MCPH1: variants seen among roughly 807,000 people sequenced by gnomAD.
MCPH1 encodes microcephalin 1, also known as microcephalin.
A neutral mutation model predicts 84.5 loss-of-function variants in MCPH1; 104 were observed. The ratio of observed to expected loss-of-function variants is 1.23; its 90% CI spans 1.05 to 1.45. The LOEUF (loss-of-function observed/expected upper bound fraction) is 1.45. MCPH1 is among the 40% of genes most tolerant of loss of function. MCPH1 has a pLI of 0.00. For synonymous variants in MCPH1, 514 were observed against 366.8 expected (o/e 1.40, Z -4.58); for missense variants, 1,498 against 1,005.7 (o/e 1.49, Z -6.62).
intron 9 of MCPH1, among the ~76,000 whole-genome samples, chr8:6,465,757 G>A (rs2916733): frequency 0.28 from 42,102 of 152,098 alleles, 7,523 homozygotes; most frequent in East Asian, 0.49. Flanking sequence ...AAGCGGCTTT[G>A]TTTGTTATGC....
chr8:6,446,974 G>A (rs1804485629), intron 8 of MCPH1: 1 of 985,356 alleles, frequency 1.0e-6, no homozygotes, highest in African/African-American at 1.7e-5. Context: ...GGACGGAGAG[G>A]TTTTTTCGCT....
At chr8:6,427,795 GTT>G (rs57041436) in intron 3 of MCPH1, among the ~76,000 whole-genome samples, 40,343 of 144,166 alleles carry the variant, frequency 0.28, 7,557 homozygotes, top group African/African-American at 0.56. Context: ...TTATTATACT[GTT>G]TTTTTTTTTT....
intron 11 of MCPH1, among the ~76,000 whole-genome samples, chr8:6,482,018 G>A (rs566721410): frequency 3.3e-5 from 5 of 152,272 alleles, no homozygotes; most frequent in East Asian, 1.9e-4. Flanking sequence ...GATGTGAATC[G>A]TCCTTCAGTC....
At chr8:6,606,517 C>T (rs1829786457) in intron 12 of MCPH1, among the ~76,000 whole-genome samples, 1 of 152,178 alleles carries the variant, frequency 6.6e-6, no homozygotes, top group Admixed American at 6.5e-5. Flanking sequence ...CTAGGTCCGG[C>T]AGCATAAACC....
intron 13 of MCPH1, among the ~76,000 whole-genome samples, chr8:6,631,317 AATAG>A (rs1341900140): frequency 6.6e-6 from 1 of 152,252 alleles, no homozygotes; most frequent in Non-Finnish European, 1.5e-5. Flanking sequence ...TTAAGGTAAA[AATAG>A]ATAAATTGCA....
rs549468679 is a variant in MCPH1, at chr8:6,603,769, T to A, written c.2215-17685T>A. 2.0e-5 allele frequency among the ~76,000 whole-genome samples: 3 copies of A among 152,330 alleles called. No individual in the cohort carries two copies. In the East Asian group the frequency reaches 5.8e-4, roughly 29 times the overall value. ...CAAACTGGGACTTAGTAACAAACTC[T>A]GAAACTGCCACTTGCATTCTCTGAA... On this transcript the variant is annotated intron_variant, in intron 12 of 13. Coordinates refer to ENST00000344683, the MANE Select transcript of MCPH1 (RefSeq NM_024596.5).
rs375384966 is a variant in MCPH1, at chr8:6,486,646, G to A, written c.2136+5770G>A. The stretch of plus-strand genomic sequence containing the variant: ...AGCAGTTCACACCTCCAGTGTTAGC[G>A]CTACTGTTTTCAGGAAAGAGAATAA... On this transcript the variant is annotated intron_variant, in intron 11 of 13. Coordinates refer to ENST00000344683, the MANE Select transcript of MCPH1 (RefSeq NM_024596.5). Among the ~76,000 whole-genome samples, 67 of 152,258 alleles carry A rather than the reference G, an allele frequency of 4.4e-4. No individual in the cohort carries two copies. In the South Asian group the frequency reaches 9.3e-3, roughly 21 times the overall value.
rs184051328 is a variant in MCPH1 at position 6,519,204 on chromosome 8, C to T, written c.2214+19275C>T. Among the ~76,000 whole-genome samples the T allele has an allele frequency of 7.9e-5, 12 of 152,294 alleles. No individual in the cohort carries two copies. The East Asian group carries it at 2.3e-3, about 29-fold the overall frequency. The stretch of plus-strand genomic sequence containing the variant: ...TCCCCAGCGGTTCTCATGGTGTGGA[C>T]CTCAGAATCCTGCGTGTCCCTCAGA... On this transcript the variant is annotated intron_variant, in intron 12 of 13. Coordinates refer to ENST00000344683, the MANE Select transcript of MCPH1 (RefSeq NM_024596.5).
intron 12 of MCPH1, among the ~76,000 whole-genome samples, chr8:6,578,831 T>C (rs1207147845): frequency 6.6e-6 from 1 of 152,218 alleles, no homozygotes; most frequent in African/African-American, 2.4e-5. Context: ...TCCACAGAGC[T>C]GCTCTCGGCT....
intron 12 of MCPH1, among the ~76,000 whole-genome samples, chr8:6,537,222 T>G (rs912440740): frequency 5.9e-5 from 9 of 152,142 alleles, no homozygotes; most frequent in African/African-American, 2.2e-4. Context: ...CTGAAGAGGA[T>G]TATTCCATGA....
At chr8:6,451,447 G>A (rs1448317889) in intron 8 of MCPH1, among the ~76,000 whole-genome samples, 2 of 152,194 alleles carry the variant, frequency 1.3e-5, no homozygotes, top group Non-Finnish European at 2.9e-5. Context: ...TTACACACAA[G>A]TATCAGGAAA....
chr8:6,410,075 T>C (rs1798325241), intron 2 of MCPH1, among the ~76,000 whole-genome samples: 1 of 152,056 alleles, frequency 6.6e-6, no homozygotes, highest in Admixed American at 6.5e-5. Context: ...GTTCAAGCGA[T>C]TGTCCTGCCT....
intron 11 of MCPH1, chr8:6,494,169 C>A (rs11993107): frequency 0.093 from 14,075 of 152,098 alleles, 1,128 homozygotes; most frequent in East Asian, 0.22. Flanking sequence ...AAACTCCTGA[C>A]CTCAAGTGAT....
chr8:6,546,539 C>CTT (rs11418335), intron 12 of MCPH1, among the ~76,000 whole-genome samples: 2 of 151,932 alleles, frequency 1.3e-5, no homozygotes, highest in Non-Finnish European at 2.9e-5. Context: ...AATAAAGGAT[C>CTT]TTTTTTTAAA....
chr8:6,480,609 A>G (rs1201649882), intron 10 of MCPH1, 105 bp from the exon 11 acceptor site: 31 of 1,290,146 alleles, frequency 2.4e-5, no homozygotes, highest in Admixed American at 1.3e-4. Flanking sequence ...TCAGTTTCAA[A>G]TTTTGGCTTT....
chr8:6,445,848 C>CT, intron 8 of MCPH1: 1 of 1,105,106 alleles, frequency 9.0e-7, no homozygotes, highest in Middle Eastern at 4.0e-4. Context: ...GGAGTGAAGT[C>CT]TTTTTCCTTA....
At chr8:6,556,378 T>C (rs1469828999) in intron 12 of MCPH1, among the ~76,000 whole-genome samples, 1 of 152,190 alleles carries the variant, frequency 6.6e-6, no homozygotes, top group East Asian at 1.9e-4. Context: ...ATAGCAACCA[T>C]TGAGAAATAG....
chr8:6,519,027 C>T (rs1009232737), intron 12 of MCPH1, among the ~76,000 whole-genome samples: 1 of 152,058 alleles, frequency 6.6e-6, no homozygotes, highest in Non-Finnish European at 1.5e-5. Context: ...TGTGGCTTTG[C>T]CTGCTGTGAG....
chr8:6,440,063 G>C (rs1001664562), intron 6 of MCPH1, among the ~76,000 whole-genome samples: 2 of 152,170 alleles, frequency 1.3e-5, no homozygotes, highest in East Asian at 1.9e-4. Flanking sequence ...ATTTACTTAA[G>C]AGTATCCTGG....
Sources: allele counts gnomAD v4.1 joint callset (sites outside exome capture counted in the v4.1 genomes callset), GRCh38; gene constraint gnomAD v4.1.1; transcripts MANE v1.5; gene names NCBI Gene and HGNC (gene_info 2026-07-23, HGNC 2026-07-21).